PLEKHA5: variants seen among roughly 807,000 people sequenced by gnomAD.
The protein encoded by PLEKHA5 is pleckstrin homology domain containing A5.
In PLEKHA5, 55 loss-of-function variants were observed where a neutral mutation model predicts 181.9. The observed-to-expected ratio is 0.30, with a 90% CI of 0.24 to 0.38. The LOEUF (loss-of-function observed/expected upper bound fraction) is 0.38, where lower values mean the gene tolerates loss of function less well. PLEKHA5 is among the 10% of genes least tolerant of loss of function. The pLI, the probability that PLEKHA5 is intolerant of heterozygous loss-of-function variation, is 1.00. For missense variants in PLEKHA5, 1,432 were observed against 1,549.5 expected (o/e 0.92, Z 1.27); for synonymous variants, 535 against 529.4 (o/e 1.01, Z -0.15).
chr12:19,345,127 C>T (rs540722639), intron 22 of PLEKHA5, among the ~76,000 whole-genome samples: 23 of 147,136 alleles, frequency 1.6e-4, no homozygotes, highest in Non-Finnish European at 1.5e-5. Flanking sequence ...AAGCCGGGCG[C>T]AGTGGCTCAT....
chr12:19,345,663 T>C (rs2094283168), intron 22 of PLEKHA5, among the ~76,000 whole-genome samples, 179 bp from the exon 23 acceptor site: 1 of 151,918 alleles, frequency 6.6e-6, no homozygotes, highest in Non-Finnish European at 1.5e-5. Flanking sequence ...TACGAGAGGC[T>C]GAGGCACAAG....
At chr12:19,356,702 T>C (rs1242311156) in intron 26 of PLEKHA5, among the ~76,000 whole-genome samples, 1 of 122,744 alleles carries the variant, frequency 8.1e-6, no homozygotes, top group Non-Finnish European at 1.6e-5. Context: ...AGTCTCTCCC[T>C]GTCGCCCAGG....
rs954191723 is a variant in PLEKHA5, at chr12:19,366,224, A to G, written c.3754+115A>G. On this transcript the variant is annotated intron_variant, in intron 30 of 31. Transcript: ENST00000429027. ...CGCTTAAGTACCTTGACTACAGATG[A>G]GTCAACGTTTGCCTCCCCAAGTGTA... 10 of 842,156 alleles carry G rather than the reference A, an allele frequency of 1.2e-5. No homozygotes were observed. In the East Asian group the frequency reaches 2.7e-4, roughly 23 times the overall value. The allele number at this position is 842,156 out of a possible 1,614,324, so 52.2% of individuals were successfully genotyped here. A position where few individuals can be genotyped will look rare whatever the true frequency, so the allele number is the denominator to read the frequency against.
chr12:19,204,053 A>G (rs1415231744), intron 3 of PLEKHA5, among the ~76,000 whole-genome samples: 1 of 152,000 alleles, frequency 6.6e-6, no homozygotes, highest in East Asian at 1.9e-4. Flanking sequence ...GAAGGGCCTT[A>G]TCTTAGCTGT....
chr12:19,303,905 C>G (rs1346177436), intron 15 of PLEKHA5: 1 of 150,204 alleles, frequency 6.7e-6, no homozygotes, highest in Non-Finnish European at 1.5e-5. Context: ...AGCCTCAACC[C>G]CCTAGGCTGA....
At chr12:19,149,453 G>A (rs976225690) in intron 3 of PLEKHA5, 3 of 141,148 alleles carry the variant, frequency 2.1e-5, no homozygotes, top group African/African-American at 5.3e-5. Context: ...GCAGTGAGCC[G>A]AGAGAGCGCC....
intron 3 of PLEKHA5, among the ~76,000 whole-genome samples, chr12:19,194,193 A>G (rs1432785962): frequency 1.3e-5 from 2 of 152,228 alleles, no homozygotes; most frequent in African/African-American, 2.4e-5. Context: ...TGAGAGCTGC[A>G]GTATTTATCT....
intron 3 of PLEKHA5, among the ~76,000 whole-genome samples, chr12:19,216,726 G>T (rs1234539359): frequency 1.3e-5 from 2 of 152,006 alleles, no homozygotes; most frequent in Admixed American, 1.3e-4. Flanking sequence ...TCACTGCCTG[G>T]ATGGCTGTGG....
intron 3 of PLEKHA5, among the ~76,000 whole-genome samples, chr12:19,181,099 G>T (rs947245064): frequency 1.3e-5 from 2 of 151,176 alleles, no homozygotes; most frequent in African/African-American, 4.9e-5. Context: ...AGATTAAAAA[G>T]AACTCTATAG....
chr12:19,282,982 G>C (rs2076493534), intron 11 of PLEKHA5, among the ~76,000 whole-genome samples: 1 of 151,568 alleles, frequency 6.6e-6, no homozygotes, highest in Admixed American at 6.6e-5. Flanking sequence ...GATTACCTGA[G>C]GTCAGGAATT....
intron 20 of PLEKHA5, among the ~76,000 whole-genome samples, chr12:19,333,507 T>A (rs1184532743): frequency 6.6e-6 from 1 of 151,766 alleles, no homozygotes; most frequent in East Asian, 2.0e-4. Context: ...AAGAATCACT[T>A]GAACCCGGGA....
intron 3 of PLEKHA5, among the ~76,000 whole-genome samples, chr12:19,163,323 C>G (rs1009394054): frequency 6.6e-6 from 1 of 152,072 alleles, no homozygotes; most frequent in African/African-American, 2.4e-5. Flanking sequence ...ACTACAGGCG[C>G]CAGCCACAAC....
intron 26 of PLEKHA5, 141 bp downstream of exon 26, chr12:19,354,143 C>CTTTTTTTTTTTTTTTTTTTTTTTTT (rs750923063): frequency 1.4e-5 from 1 of 73,892 alleles, no homozygotes; most frequent in Non-Finnish European, 2.3e-5. Flanking sequence ...ATTCTTTATT[C>CTTTTTTTTTTTTTTTTTTTTTTTTT]TTTTTTTTTT....
intron 3 of PLEKHA5, among the ~76,000 whole-genome samples, chr12:19,245,623 G>C (rs1355288365): frequency 1.3e-5 from 2 of 150,846 alleles, no homozygotes; most frequent in East Asian, 4.0e-4. Context: ...AGCTACTCGG[G>C]AGGCTGAGGC....
chr12:19,157,430 G>T (rs1007651572), intron 3 of PLEKHA5, among the ~76,000 whole-genome samples: 3 of 151,276 alleles, frequency 2.0e-5, no homozygotes, highest in Non-Finnish European at 4.4e-5. Flanking sequence ...TTGTAGGTCT[G>T]GTGCTAGATG....
intron 20 of PLEKHA5, among the ~76,000 whole-genome samples, chr12:19,328,042 C>T (rs917174544): frequency 3.3e-5 from 5 of 152,206 alleles, no homozygotes; most frequent in Non-Finnish European, 7.3e-5. Flanking sequence ...TTTCATTCTT[C>T]TGCATATGGC....
intron 3 of PLEKHA5, among the ~76,000 whole-genome samples, chr12:19,231,542 A>ATG (rs1291546567): frequency 2.0e-5 from 3 of 148,388 alleles, no homozygotes; most frequent in African/African-American, 4.9e-5. Context: ...ACACATATAT[A>ATG]TGTATATATA....
In PLEKHA5 at chr12:19,362,550, A is replaced by G. The variant is rs1592641114; in HGVS notation, c.3608+844A>G. On this transcript the variant is annotated intron_variant, in intron 29 of 31. Coordinates refer to ENST00000429027, the MANE Select transcript of PLEKHA5 (RefSeq NM_001256470.2). The stretch of plus-strand genomic sequence containing the variant: ...CTCCATCTCAAAAGAAAAGGAAAAA[A>G]AAAGAAAATACATGTACAGCACTTT... 2.0e-5 allele frequency among the ~76,000 whole-genome samples: 3 copies of G among 151,926 alleles called. No homozygotes were observed. In the South Asian group the frequency reaches 6.3e-4, roughly 32 times the overall value.
At chr12:19,257,919 T>C (rs2067286073) in intron 6 of PLEKHA5, among the ~76,000 whole-genome samples, 1 of 152,084 alleles carries the variant, frequency 6.6e-6, no homozygotes, top group Non-Finnish European at 1.5e-5. Context: ...ATAAAAATTG[T>C]TAGAGAAATA....
Sources: gnomAD v4.1 joint callset for allele counts (sites outside exome capture counted in the v4.1 genomes callset) on GRCh38, gnomAD v4.1.1 for gene constraint, MANE v1.5 for transcripts, NCBI Gene and HGNC (gene_info 2026-07-23, HGNC 2026-07-21) for gene names.